The following PTGR1 variants were observed in gnomAD, a reference collection of about 807,000 sequenced individuals.
PTGR1 encodes the protein prostaglandin reductase 1.
Under a neutral mutation model 37.7 loss-of-function variants are expected in PTGR1, and 23 were observed. The ratio of observed to expected loss-of-function variants is 0.61; its 90% CI spans 0.44 to 0.86. The LOEUF (loss-of-function observed/expected upper bound fraction) is 0.86, where lower values mean the gene tolerates loss of function less well. PTGR1 is among the 40% of genes least tolerant of loss of function. PTGR1 has a pLI of 0.00. For synonymous variants in PTGR1, 134 were observed against 140.0 expected (o/e 0.96, Z 0.30); for missense variants, 351 against 394.3 (o/e 0.89, Z 0.93).
rs543820529 is a variant in PTGR1, at chr9:111,571,480, T to C, written c.761-1271A>G. On this transcript the variant is annotated intron_variant, in intron 8 of 9. Transcript: ENST00000407693. ...GTTTTTGTGTCTGTGTGTTTTGTGG[T>C]TGTCGTTTTTAATTTGAGACAGGGT... is the stretch of plus-strand genomic sequence containing the variant. Among the ~76,000 whole-genome samples the C allele has an allele frequency of 1.3e-3, 195 of 149,194 alleles. 1 individual carries two copies. The highest frequency in any genetic ancestry group is 4.3e-3 in the African/African-American group (176 of 41,316).
rs1244410431 is a variant in PTGR1, at chr9:111,562,771, C to G, written c.*350G>C. ...TCCCTCACCCCGGCTTCCACAGGCC[C>G]CAGCGTGTGTTGTTCCCCTCCCTAT... On this transcript the variant is annotated 3_prime_UTR_variant, in exon 10 of 10. Coordinates refer to ENST00000407693, the MANE Select transcript of PTGR1 (RefSeq NM_001146108.2). 4.3e-6 allele frequency: 1 copy of G among 231,594 alleles called. No individual in the cohort carries two copies. The highest frequency in any genetic ancestry group is 2.3e-5 in the African/African-American group (1 of 43,622). The allele number at this position is 231,594 out of a possible 1,614,324, so 14.3% of individuals were successfully genotyped here. A position where few individuals can be genotyped will look rare whatever the true frequency, so the allele number is the denominator to read the frequency against.
At chr9:111,565,441 G>C (rs1828515191) in intron 9 of PTGR1, among the ~76,000 whole-genome samples, 1 of 152,168 alleles carries the variant, frequency 6.6e-6, no homozygotes, top group African/African-American at 2.4e-5. Flanking sequence ...GTTAATAATA[G>C]GGGAAATTAG....
chr9:111,551,759 T>C (rs1827964536), intron 9 of PTGR1, among the ~76,000 whole-genome samples: 1 of 152,240 alleles, frequency 6.6e-6, no homozygotes, highest in Non-Finnish European at 1.5e-5. Context: ...GAAAAATTCA[T>C]TTAATATCTA....
rs1329813115 is a variant in PTGR1 at position 111,593,051 on chromosome 9, T to C, written c.153-69A>G. ...TAAATAAAATTCCATTCTTAATACA[T>C]AGGAGCATCGGGGGACTGTTTTGAG... On this transcript the variant is annotated intron_variant, in intron 3 of 9. Coordinates refer to ENST00000407693, the MANE Select transcript of PTGR1 (RefSeq NM_001146108.2). The C allele has an allele frequency of 1.2e-5, 18 of 1,445,450 alleles. No individual in the cohort carries two copies. In the East Asian group the frequency reaches 3.9e-4, roughly 31 times the overall value. The allele number at this position is 1,445,450 out of a possible 1,614,324, so 89.5% of individuals were successfully genotyped here. A position where few individuals can be genotyped will look rare whatever the true frequency, so the allele number is the denominator to read the frequency against.
At chr9:111,588,319 C>G (rs113860505) in intron 4 of PTGR1, among the ~76,000 whole-genome samples, 8,798 of 151,578 alleles carry the variant, frequency 0.058, 916 homozygotes, top group African/African-American at 0.2. Context: ...GCCTCAGCCT[C>G]CCGAGTAGCT....
intron 9 of PTGR1, among the ~76,000 whole-genome samples, chr9:111,550,867 CTGTG>C (rs1827921166): frequency 6.6e-6 from 1 of 152,056 alleles, no homozygotes; most frequent in Admixed American, 6.6e-5. Flanking sequence ...TAGTGTCTTT[CTGTG>C]TTATTCTGCT....
intron 6 of PTGR1, among the ~76,000 whole-genome samples, chr9:111,581,544 T>C (rs1255546028): frequency 1.3e-5 from 2 of 152,208 alleles, no homozygotes; most frequent in Non-Finnish European, 2.9e-5. Context: ...GAGAATCAGA[T>C]TGGCTTTGAA....
At chr9:111,566,988 T>A (rs1828589303) in intron 9 of PTGR1, among the ~76,000 whole-genome samples, 1 of 151,106 alleles carries the variant, frequency 6.6e-6, no homozygotes, top group Admixed American at 6.6e-5. Context: ...ACTCAGGAGG[T>A]TGAGGTGGGA....
At chr9:111,599,227 G>T (rs1205297150) in intron 1 of PTGR1, 1 of 151,794 alleles carries the variant, frequency 6.6e-6, no homozygotes, top group Non-Finnish European at 1.5e-5. Flanking sequence ...GCCGCCCGCC[G>T]CCCGCTTGCC....
At chr9:111,596,117 A>G (rs1829772385) in intron 2 of PTGR1, among the ~76,000 whole-genome samples, 1 of 152,230 alleles carries the variant, frequency 6.6e-6, no homozygotes, top group African/African-American at 2.4e-5. Context: ...GCCATGTGAC[A>G]TCGAGGATTC....
intron 4 of PTGR1, among the ~76,000 whole-genome samples, chr9:111,591,089 C>G (rs567412909): frequency 6.6e-6 from 1 of 151,818 alleles, no homozygotes; most frequent in East Asian, 2.0e-4. Flanking sequence ...GTCGGGAGTT[C>G]GAGACTAGCC....
rs188382796 is a variant in PTGR1, at chr9:111,567,808, C to T, written c.879+2283G>A. ...GGCCAGGTAGAGTCCACTACTGTTG[C>T]GGGAAGTCAGGGACCCCAAACGGAG... On this transcript the variant is annotated intron_variant, in intron 9 of 9. Transcript: ENST00000407693. 1.1e-4 allele frequency among the ~76,000 whole-genome samples: 17 copies of T among 152,238 alleles called. No individual in the cohort carries two copies. In the East Asian group the frequency reaches 2.3e-3, roughly 21 times the overall value.
chr9:111,587,254 A>T (rs1829462341), intron 4 of PTGR1, among the ~76,000 whole-genome samples: 1 of 151,846 alleles, frequency 6.6e-6, no homozygotes, highest in Non-Finnish European at 1.5e-5. Flanking sequence ...CCTTTTCTTC[A>T]TCCAACTCTT....
chr9:111,554,943 G>C (rs890441201), intron 9 of PTGR1, among the ~76,000 whole-genome samples: 1 of 152,144 alleles, frequency 6.6e-6, no homozygotes, highest in African/African-American at 2.4e-5. Context: ...CTAAATGTCA[G>C]TGCCTGTTAA....
chr9:111,588,636 G>A (rs932840763), intron 4 of PTGR1, among the ~76,000 whole-genome samples: 14 of 151,694 alleles, frequency 9.2e-5, no homozygotes, highest in African/African-American at 2.4e-4. Flanking sequence ...AGCAATTCTC[G>A]TCCCTTGGCC....
chr9:111,560,266 G>A (rs1482443167), downstream of PTGR1, among the ~76,000 whole-genome samples: 1 of 151,774 alleles, frequency 6.6e-6, no homozygotes, highest in Non-Finnish European at 1.5e-5. Context: ...GGATCACGAG[G>A]TCAGGAGATC....
chr9:111,580,680 G>A (rs36017550), intron 6 of PTGR1, among the ~76,000 whole-genome samples: 25,828 of 151,498 alleles, frequency 0.17, 2,447 homozygotes, highest in Non-Finnish European at 0.23. Flanking sequence ...GCTTGAACCT[G>A]GGAGGCAGAG....
intron 8 of PTGR1, 100 bp downstream of exon 8, chr9:111,574,634 T>A: frequency 1.4e-6 from 1 of 729,668 alleles, no homozygotes; most frequent in Non-Finnish European, 2.2e-6. Flanking sequence ...TATATGAAAA[T>A]CTTTCTAATA....
In PTGR1 at chr9:111,569,594, T is replaced by C. The variant is rs1002560007; in HGVS notation, c.879+497A>G. Among the ~76,000 whole-genome samples, 3 of 152,124 alleles carry C rather than the reference T, an allele frequency of 2.0e-5. No homozygotes were observed. The East Asian group carries it at 5.8e-4, about 29-fold the overall frequency. ...GCCTGGCCAACATGACGAAAACCTG[T>C]CTCTACTAAAAATACAAAAAGTTAG... On this transcript the variant is annotated intron_variant, in intron 9 of 9. Transcript: ENST00000407693.
Sources: gnomAD v4.1 joint callset for allele counts (sites outside exome capture counted in the v4.1 genomes callset) on GRCh38, gnomAD v4.1.1 for gene constraint, MANE v1.5 for transcripts, NCBI Gene and HGNC (gene_info 2026-07-23, HGNC 2026-07-21) for gene names.